ZEB1: variants seen among roughly 807,000 people sequenced by gnomAD.
The protein encoded by ZEB1 is zinc finger E-box-binding homeobox 1.
Under a neutral mutation model 84.9 loss-of-function variants are expected in ZEB1, and 21 were observed. The ratio of observed to expected loss-of-function variants is 0.25; its 90% confidence interval spans 0.18 to 0.36. ZEB1 has a LOEUF of 0.36. Among genes scored for constraint, ZEB1 ranks in the 10% least tolerant of loss-of-function variants. ZEB1 has a pLI of 1.00. For missense variants in ZEB1, 1,104 were observed against 1,330.2 expected, an observed-to-expected ratio of 0.83 and a Z score of 2.65; for synonymous variants, 420 against 471.1, an observed-to-expected ratio of 0.89 and a Z score of 1.41.
At chr10:31,413,559 G>C (rs1231989655) in intron 1 of ZEB1, among the ~76,000 whole-genome samples, 1 of 152,124 alleles carries the variant, frequency 6.6e-6, no homozygotes, top group Non-Finnish European at 1.5e-5. Context: ...GAACTGAACA[G>C]ATTTGTTAAA....
rs1454695807 is a variant in ZEB1 at position 31,383,722 on chromosome 10, A to G, written c.58+64430A>G. On this transcript the variant is annotated intron_variant, in intron 1 of 8. Transcript: ENST00000424869. ...GCCACATTCCAAATGAGCAGTAGTC[A>G]TATATGGCTAATGTTTGCCTTTTCG... Among the ~76,000 whole-genome samples the G allele has an allele frequency of 2.0e-5, 3 of 152,174 alleles. 1 individual carries two copies. Among genetic ancestry groups the G allele is most frequent in the South Asian group, 4.1e-4 (2 of 4,836 alleles).
intron 1 of ZEB1, among the ~76,000 whole-genome samples, chr10:31,388,288 T>G (rs1384744354): frequency 1.3e-5 from 2 of 152,114 alleles, no homozygotes; most frequent in Non-Finnish European, 2.9e-5. Flanking sequence ...ATTAAATTTG[T>G]CCCTTTCATT....
chr10:31,356,623 C>T (rs2042170856), intron 1 of ZEB1, among the ~76,000 whole-genome samples: 2 of 152,154 alleles, frequency 1.3e-5, no homozygotes, highest in South Asian at 2.1e-4. Flanking sequence ...ACAGACTTCA[C>T]AGAATTCCTT....
chr10:31,474,547 A>C (rs1368483545), intron 2 of ZEB1, among the ~76,000 whole-genome samples: 2 of 152,156 alleles, frequency 1.3e-5, no homozygotes, highest in African/African-American at 4.8e-5. Context: ...CAATCATTAA[A>C]AAGTCAGGAA....
intron 1 of ZEB1, among the ~76,000 whole-genome samples, chr10:31,344,275 TTAAG>T (rs2039904163): frequency 3.9e-5 from 6 of 152,122 alleles, no homozygotes; most frequent in Admixed American, 3.3e-4. Context: ...CTCCCAGTAA[TTAAG>T]TTTTTCATAT....
At chr10:31,446,862 T>A (rs1415899701) in intron 1 of ZEB1, among the ~76,000 whole-genome samples, 2 of 151,930 alleles carry the variant, frequency 1.3e-5, no homozygotes, top group Admixed American at 6.6e-5. Context: ...ATAGGTGTGG[T>A]GTGGTGCTGA....
chr10:31,408,593 T>C (rs2053603096), intron 1 of ZEB1, among the ~76,000 whole-genome samples: 3 of 145,914 alleles, frequency 2.1e-5, no homozygotes, highest in South Asian at 4.3e-4. Context: ...TAACGCCGCA[T>C]ATCTACAACT....
At chr10:31,510,313 C>T (rs1309463289) in intron 4 of ZEB1, among the ~76,000 whole-genome samples, 3 of 152,162 alleles carry the variant, frequency 2.0e-5, no homozygotes, top group South Asian at 2.1e-4. Flanking sequence ...TCTGTATACA[C>T]TTACAAAGAC....
chr10:31,434,626 A>G (rs1448141595), intron 1 of ZEB1, among the ~76,000 whole-genome samples: 1 of 152,178 alleles, frequency 6.6e-6, no homozygotes, highest in Admixed American at 6.6e-5. Context: ...CGTTGAGTCA[A>G]TACATTTTTC....
At chr10:31,445,550 G>A (rs1305063874) in intron 1 of ZEB1, among the ~76,000 whole-genome samples, 1 of 151,986 alleles carries the variant, frequency 6.6e-6, no homozygotes, top group African/African-American at 2.4e-5. Flanking sequence ...TTGGCTGTGG[G>A]TCTGTCATAG....
chr10:31,440,437 C>T (rs1591285448), intron 1 of ZEB1, among the ~76,000 whole-genome samples: 1 of 152,194 alleles, frequency 6.6e-6, no homozygotes, highest in East Asian at 1.9e-4. Flanking sequence ...ATGACAAATC[C>T]ACAACCAATA....
At chr10:31,423,241 A>G (rs553340774) in intron 1 of ZEB1, among the ~76,000 whole-genome samples, 24 of 152,176 alleles carry the variant, frequency 1.6e-4, no homozygotes, top group African/African-American at 5.5e-4. Context: ...GGTTTTCTCT[A>G]TGGTCAACCA....
chr10:31,350,761 T>C (rs1200601739), intron 1 of ZEB1, among the ~76,000 whole-genome samples: 1 of 152,152 alleles, frequency 6.6e-6, no homozygotes, highest in East Asian at 1.9e-4. Flanking sequence ...AATTAACACT[T>C]TGGCTCTGAT....
chr10:31,377,278 A>G (rs1328646690), intron 1 of ZEB1, among the ~76,000 whole-genome samples: 3 of 151,634 alleles, frequency 2.0e-5, no homozygotes, highest in Non-Finnish European at 3.0e-5. Context: ...GAATTATGCT[A>G]TCCTTCTACT....
intron 1 of ZEB1, among the ~76,000 whole-genome samples, chr10:31,377,651 C>T (rs2046890332): frequency 6.6e-6 from 1 of 151,730 alleles, no homozygotes; most frequent in Non-Finnish European, 1.5e-5. Context: ...CATAAATTAT[C>T]TAGTGTTTCT....
intron 4 of ZEB1, among the ~76,000 whole-genome samples, chr10:31,504,429 G>A (rs1017520859): frequency 2.0e-5 from 3 of 151,926 alleles, no homozygotes; most frequent in African/African-American, 7.2e-5. Flanking sequence ...GATTGCTTTG[G>A]CTATATTGGT....
intron 5 of ZEB1, 32 bp downstream of exon 5, chr10:31,510,907 T>G: frequency 6.2e-7 from 1 of 1,606,744 alleles, no homozygotes; most frequent in South Asian, 1.1e-5. Flanking sequence ...TCACTAACTT[T>G]CCAGATTTTG....
At chr10:31,371,457 G>T (rs1275631111) in intron 1 of ZEB1, among the ~76,000 whole-genome samples, 6 of 152,142 alleles carry the variant, frequency 3.9e-5, no homozygotes, top group Non-Finnish European at 5.9e-5. Context: ...ATCACAGTTT[G>T]CTTTGTGGGT....
At chr10:31,406,647 G>A (rs2053122953) in intron 1 of ZEB1, among the ~76,000 whole-genome samples, 1 of 152,046 alleles carries the variant, frequency 6.6e-6, no homozygotes, top group African/African-American at 2.4e-5. Context: ...TCAGTTGCCT[G>A]TTCACTCTGA....
Sources: gnomAD v4.1 joint callset for allele counts (sites outside exome capture counted in the v4.1 genomes callset) on GRCh38, gnomAD v4.1.1 for gene constraint, MANE v1.5 for transcripts, NCBI Gene and HGNC (gene_info 2026-07-23, HGNC 2026-07-21) for gene names.